Variants in TBR1 observed in about 807,000 individuals in gnomAD.
TBR1 encodes the protein T-box brain transcription factor 1, also known as T-box brain protein 1.
A neutral mutation model predicts 60.3 loss-of-function variants in TBR1; 7 were observed. The ratio of observed to expected loss-of-function variants is 0.12; its 90% CI spans 0.07 to 0.22. TBR1 has a LOEUF of 0.22. Among genes scored for constraint, TBR1 ranks in the 10% least tolerant of loss-of-function variants. The pLI is 1.00. For synonymous variants in TBR1, 417 were observed against 409.9 expected (o/e 1.02, Z -0.21); for missense variants, 616 against 936.8 (o/e 0.66, Z 4.47).
chr2:161,419,247 GCTTT>G (rs1307251913), intron 4 of TBR1, 197 bp downstream of exon 4: 19 of 733,502 alleles, frequency 2.6e-5, no homozygotes, highest in Non-Finnish European at 3.6e-5. Context: ...GTGGGAAAAA[GCTTT>G]CTATTTGTTT....
At position 161,416,442 on chromosome 2, in the gene TBR1, T is replaced by C; in HGVS notation, c.32T>C (p.Ile11Thr). 1.2e-6 allele frequency: 2 copies of C among 1,608,052 alleles called. No homozygotes were observed. Among genetic ancestry groups the C allele is most frequent in the Non-Finnish European group, 1.7e-6 (2 of 1,176,638 alleles). Reference sequence around the variant, plus strand: ...CTGGAGCACTGCCTTTCTCCTTCTATCATGCTCTCCAAGAAATTTCTCAAT... The same window carrying C: ...CTGGAGCACTGCCTTTCTCCTTCTACCATGCTCTCCAAGAAATTTCTCAAT... MQLEHCLSPS[I>T]MLSKKFLNVS... Residue 11 changes from isoleucine to threonine, a missense_variant, in exon 1 of 6, where the codon ATC becomes ACC. Transcript: ENST00000389554. This position sits in a 1 kb window ranked among gnomAD's most constrained non-coding sequence, Gnocchi z 6.1.
intron 5 of TBR1, 156 bp downstream of exon 5, chr2:161,420,413 CTCTT>C (rs760019091): frequency 3.5e-6 from 1 of 288,302 alleles, no homozygotes; most frequent in Non-Finnish European, 6.4e-6. Context: ...TTTCTTCTTC[CTCTT>C]CTTTTTTTTT....
intron 5 of TBR1, 89 bp downstream of exon 5, chr2:161,420,346 C>T: frequency 1.0e-6 from 1 of 977,210 alleles, no homozygotes; most frequent in Non-Finnish European, 1.5e-6. Context: ...ATTTTGAAAG[C>T]TGGAATGTGT....
rs763951259 is a variant in TBR1 at position 161,424,251 on chromosome 2, G to C, written c.*24G>C. ...AGGCCGCCCCTGCCCGCCCGGCCCC[G>C]CCGCGGCCCGGACCCCCAGCCAGCC... is the stretch of plus-strand genomic sequence containing the variant. On this transcript the variant is annotated 3_prime_UTR_variant, in exon 6 of 6. Coordinates refer to ENST00000389554, the MANE Select transcript of TBR1 (RefSeq NM_006593.4). This position sits in a 1 kb window ranked among gnomAD's most constrained non-coding sequence, Gnocchi z 4.4. 1 of 1,524,278 alleles carries C rather than the reference G, an allele frequency of 6.6e-7. No homozygotes were observed. 94.4% of individuals were successfully genotyped at this position (1,524,278 alleles called of 1,614,324 possible). A position where few individuals can be genotyped will look rare whatever the true frequency, so the allele number is the denominator to read the frequency against.
chr2:161,420,153 A>C, intron 4 of TBR1, 43 bp from the exon 5 acceptor site: 3 of 1,540,798 alleles, frequency 1.9e-6, no homozygotes, highest in Non-Finnish European at 2.7e-6. Context: ...CCCAGTCTTC[A>C]CGTATAAAAG....
At chr2:161,418,760 G>A in intron 3 of TBR1, 132 bp from the exon 4 acceptor site, 2 of 1,252,666 alleles carry the variant, frequency 1.6e-6, no homozygotes, top group Non-Finnish European at 2.2e-6. Flanking sequence ...CGAGTCCCGC[G>A]GTCAGTTAGC....
chr2:161,417,166 T>G lies in TBR1; in HGVS notation c.692+64T>G. 2.0e-6 allele frequency: 3 copies of G among 1,480,762 alleles called. No homozygotes were observed. The highest frequency in any genetic ancestry group is 2.7e-6 in the Non-Finnish European group (3 of 1,106,210). The allele number at this position is 1,480,762 out of a possible 1,614,324, so 91.7% of individuals were successfully genotyped here. ...GCCGGGGACAAGTGCACCTAGGCTG[T>G]GACTGCCGCGGCAGCGACGATTTGG... On this transcript the variant is annotated intron_variant, in intron 1 of 5. Transcript: ENST00000389554. This position sits in a 1 kb window ranked among gnomAD's most constrained non-coding sequence, Gnocchi z 5.3.
At chr2:161,421,369 C>T (rs1017719128) in intron 5 of TBR1, 1 of 152,230 alleles carries the variant, frequency 6.6e-6, no homozygotes, top group Non-Finnish European at 1.5e-5. Flanking sequence ...GATATTACTG[C>T]CTATAACCAC....
intron 5 of TBR1, chr2:161,422,908 GGAGT>G (rs1316692741): frequency 3.2e-5 from 5 of 154,006 alleles, no homozygotes; most frequent in African/African-American, 1.2e-4. Context: ...AAAGGGTGGA[GGAGT>G]GAGTACCTTG....
rs1684280275 is a variant in TBR1, at chr2:161,424,010, A to T, written c.1832A>T (p.Asp611Val). The T allele has an allele frequency of 6.3e-7, 1 of 1,578,130 alleles. No individual in the cohort carries two copies. The highest frequency in any genetic ancestry group is 1.4e-5 in the African/African-American group (1 of 73,892). The change falls in exon 6 of 6, where the codon GAT becomes GTT. Residue 611 changes from aspartate (D) to valine (V), a missense_variant. Coordinates refer to ENST00000389554, the MANE Select transcript of TBR1 (RefSeq NM_006593.4). The surrounding 1 kb of genome is among the most constrained non-coding windows in gnomAD (Gnocchi z 4.4). ...AEDAKPKDLS[D>V]SSWIETPSSI... ...GACGCCAAGCCCAAGGACCTGTCCGATTCCAGCTGGATCGAGACGCCCTCC... is the reference window on the plus strand; with the variant it reads ...GACGCCAAGCCCAAGGACCTGTCCGTTTCCAGCTGGATCGAGACGCCCTCC...
At chr2:161,418,143 A>G (rs1684164124) in intron 2 of TBR1, 58 bp from the exon 3 acceptor site, 2 of 1,550,114 alleles carry the variant, frequency 1.3e-6, no homozygotes, top group Non-Finnish European at 1.7e-6. Flanking sequence ...CTACGTGGTG[A>G]GGAGCTGGGA....
Position 161,423,587 on chromosome 2 carries a change from C to G in TBR1, c.1409C>G (p.Pro470Arg), listed in dbSNP as rs768471428. Residue 470 changes from proline to arginine, a missense_variant, in exon 6 of 6, where the codon CCG (proline) becomes CGG (arginine). By Grantham distance (103) the Pro-to-Arg change is moderately radical. This residue lies in a region of TBR1 where 80 missense variants were observed against 75.3 expected (regional missense o/e 1.06). Transcript: ENST00000389554. The part of the protein sequence containing the change: ...SVPHTNGLLS[P>R]QQAEDPGAPS... ...CCGCACACCAACGGGCTGCTGTCGC[C>G]GCAGCAGGCCGAGGACCCGGGCGCG... 6.5e-7 allele frequency: 1 copy of G among 1,538,652 alleles called. No homozygotes were observed. Among genetic ancestry groups the G allele is most frequent in the Admixed American group, 1.9e-5 (1 of 51,320 alleles).
Position 161,416,720 on chromosome 2 carries a change from C to T in TBR1, c.310C>T (p.Arg104Cys). ...RHSFDGSAAD[R>C]YLLSQSSQPQ... ...CAGTTTCGATGGCTCTGCTGCAGATCGCTACCTCCTCTCTCAGTCCAGCCA... is the reference window on the plus strand; with the variant it reads ...CAGTTTCGATGGCTCTGCTGCAGATTGCTACCTCCTCTCTCAGTCCAGCCA... Residue 104 changes from arginine (R) to cysteine (C), a missense_variant, in exon 1 of 6, where the codon CGC (arginine) becomes TGC (cysteine). Physicochemically the swap from Arg to Cys is radical, Grantham distance 180 (BLOSUM62 -3). Around this residue, in one of 8 missense-constraint regions of TBR1, gnomAD observed 211 missense variants for 268.7 expected, o/e 0.79. Coordinates refer to ENST00000389554, the MANE Select transcript of TBR1 (RefSeq NM_006593.4). The surrounding 1 kb of genome is among the most constrained non-coding windows in gnomAD (Gnocchi z 6.1). 6.2e-7 allele frequency: 1 copy of T among 1,614,064 alleles called. No homozygotes were observed. Among genetic ancestry groups the T allele is most frequent in the Non-Finnish European group, 8.5e-7 (1 of 1,179,972 alleles).
In TBR1 at chr2:161,416,893, G is replaced by T; in HGVS notation, c.483G>T (p.Leu161=). 2 of 1,614,022 alleles carry T rather than the reference G, an allele frequency of 1.2e-6. No individual in the cohort carries two copies. Among genetic ancestry groups the T allele is most frequent in the Non-Finnish European group, 1.7e-6 (2 of 1,179,996 alleles). ...CCAACGGAGCCTACAACAGCCTCCT[G>T]TCCAACTCCTCGCCGCAGGGATACC... ...VITNGAYNSL[L]SNSSPQGYPT... is the part of the protein sequence containing the mutation. Residue 161 remains leucine, a synonymous_variant, in exon 1 of 6, where the codon CTG becomes CTT. Transcript: ENST00000389554. The surrounding 1 kb of genome is among the most constrained non-coding windows in gnomAD (Gnocchi z 6.1).
intron 3 of TBR1, 133 bp from the exon 4 acceptor site, chr2:161,418,759 C>A: frequency 1.6e-6 from 2 of 1,243,158 alleles, no homozygotes; most frequent in Non-Finnish European, 2.2e-6. Context: ...GCGAGTCCCG[C>A]GGTCAGTTAG....
In TBR1 at chr2:161,417,141, GC is replaced by G. The variant is rs1684137720; in HGVS notation, c.692+41del. Reference sequence around the variant, plus strand: ...TTTGGCTGCCGCTGCTCTAGGCGCAGCCGGGGACAAGTGCACCTAGGCTGTG... The same window carrying G: ...TTTGGCTGCCGCTGCTCTAGGCGCAGCGGGGACAAGTGCACCTAGGCTGTG... On this transcript the variant is annotated intron_variant, in intron 1 of 5. Coordinates refer to ENST00000389554, the MANE Select transcript of TBR1 (RefSeq NM_006593.4). This position sits in a 1 kb window ranked among gnomAD's most constrained non-coding sequence, Gnocchi z 5.3. 1 of 1,537,000 alleles carries G rather than the reference GC, an allele frequency of 6.5e-7. No individual in the cohort carries two copies.
In TBR1 at chr2:161,423,526, G is replaced by A. The variant is rs766676327; in HGVS notation, c.1348G>A (p.Gly450Ser). The change falls in exon 6 of 6, where the codon GGC becomes AGC. Residue 450 changes from glycine (G) to serine (S), a missense_variant. Physicochemically the swap from Gly to Ser is moderately conservative, Grantham distance 56. This residue lies in a region of TBR1 where 80 missense variants were observed against 75.3 expected (regional missense o/e 1.06). Transcript: ENST00000389554. ...CAAGGCCCGCTTCCACCCGGGCGCG[G>A]GCGCGGGCCCCGGGCCGGGTACGGA... The part of the protein sequence containing the change: ...YAKARFHPGA[G>S]AGPGPGTDRS... The A allele has an allele frequency of 1.9e-6, 3 of 1,580,296 alleles. No homozygotes were observed. The highest frequency in any genetic ancestry group is 2.6e-6 in the Non-Finnish European group (3 of 1,166,078).
rs1222429162 is a variant in TBR1, at chr2:161,423,197, A to C, written c.1191-172A>C. On this transcript the variant is annotated intron_variant, in intron 5 of 5. Coordinates refer to ENST00000389554, the MANE Select transcript of TBR1 (RefSeq NM_006593.4). ...TTCCGTGATTTATTTTGGGAATGAT[A>C]GAGGTCTGTGGCCTCTTGTATTCTC... The C allele has an allele frequency of 8.5e-6, 4 of 469,242 alleles. No homozygotes were observed. In the Admixed American group the frequency reaches 1.6e-4, roughly 19 times the overall value. The allele number at this position is 469,242 out of a possible 1,614,324, so 29.1% of individuals were successfully genotyped here.
chr2:161,425,429 C>T lies in TBR1; in HGVS notation c.*1202C>T, dbSNP rs1684304513. On this transcript the variant is annotated 3_prime_UTR_variant, in exon 6 of 6. Coordinates refer to ENST00000389554, the MANE Select transcript of TBR1 (RefSeq NM_006593.4). ...CATTTTAGTTTTGAAAATGACTTCC[C>T]CACCACCTAGAAACAGCTGAAATTT... 6.6e-6 allele frequency: 1 copy of T among 151,968 alleles called. No individual in the cohort carries two copies. The highest frequency in any genetic ancestry group is 1.5e-5 in the Non-Finnish European group (1 of 68,002). 9.4% of individuals were successfully genotyped at this position (151,968 alleles called of 1,614,324 possible).
Sources: allele counts gnomAD v4.1 joint callset, GRCh38; gene constraint gnomAD v4.1.1; regional missense constraint gnomAD v4.1.1; non-coding constraint Gnocchi (gnomAD v3.1); transcripts MANE v1.5; gene names NCBI Gene and HGNC (gene_info 2026-07-23, HGNC 2026-07-21).